The following TRIB3 variants were observed in gnomAD, a reference collection of about 807,000 sequenced individuals.
The protein encoded by TRIB3 is tribbles pseudokinase 3, also known as tribbles homolog 3.
A neutral mutation model predicts 16.6 loss-of-function variants in TRIB3; 20 were observed. The observed-to-expected ratio is 1.20, with a 90% CI of 0.85 to 1.75. The LOEUF is 1.75. Among genes scored for constraint, TRIB3 ranks in the 40% most tolerant of loss-of-function variants. TRIB3 has a pLI of 0.00. For missense variants in TRIB3, 484 were observed against 488.9 expected, an observed-to-expected ratio of 0.99 and a Z score of 0.10; for synonymous variants, 208 against 217.0, an observed-to-expected ratio of 0.96 and a Z score of 0.36.
intron 1 of TRIB3, chr20:382,579 A>G: frequency 6.5e-7 from 1 of 1,535,614 alleles, no homozygotes; most frequent in South Asian, 1.2e-5. Context: ...GAAGAATAAC[A>G]GGATGAGTGC....
Position 392,809 on chromosome 20 carries a change from C to T in TRIB3, c.584+1230C>T, listed in dbSNP as rs200812610. Among the ~76,000 whole-genome samples, 10 of 152,226 alleles carry T rather than the reference C, an allele frequency of 6.6e-5. No individual in the cohort carries two copies. In the East Asian group the frequency reaches 7.7e-4, roughly 12 times the overall value. On this transcript the variant is annotated intron_variant, in intron 3 of 3. Coordinates refer to ENST00000217233, the MANE Select transcript of TRIB3 (RefSeq NM_021158.5). ...TTGACCTTAGGTGATCCGCCTGCCT[C>T]GGCCTCCCAAAGTGCTGGGATTACA... is the stretch of plus-strand genomic sequence containing the variant.
At chr20:395,547 A>C (rs2015101708) in intron 3 of TRIB3, among the ~76,000 whole-genome samples, 1 of 151,890 alleles carries the variant, frequency 6.6e-6, no homozygotes, top group African/African-American at 2.4e-5. Context: ...GGACCTTTTC[A>C]TTAAAATACA....
At chr20:386,675 T>C (rs529563711) in intron 1 of TRIB3, among the ~76,000 whole-genome samples, 1 of 151,848 alleles carries the variant, frequency 6.6e-6, no homozygotes, top group Admixed American at 6.6e-5. Context: ...CGGGTTCAAG[T>C]GATTCTCCTG....
At chr20:396,075 G>T in intron 3 of TRIB3, 123 bp from the exon 4 acceptor site, 1 of 1,415,502 alleles carries the variant, frequency 7.1e-7, no homozygotes. Context: ...TCACAGGACT[G>T]GCTTGTGTCT....
intron 1 of TRIB3, among the ~76,000 whole-genome samples, chr20:384,713 G>A (rs1471073614): frequency 2.6e-5 from 4 of 152,166 alleles, no homozygotes; most frequent in African/African-American, 9.7e-5. Flanking sequence ...GGTCTGGCCT[G>A]ACAACTCCAT....
chr20:386,980 C>G (rs560088942), intron 1 of TRIB3, among the ~76,000 whole-genome samples: 4 of 150,710 alleles, frequency 2.7e-5, no homozygotes, highest in Non-Finnish European at 1.5e-5. Flanking sequence ...CTTGAACTCC[C>G]AGCCTCATGA....
intron 2 of TRIB3, among the ~76,000 whole-genome samples, chr20:388,675 G>A (rs934223903): frequency 1.4e-4 from 22 of 152,122 alleles, no homozygotes; most frequent in Admixed American, 9.2e-4. Context: ...AGAATGAAAA[G>A]GACTTCTCTG....
At position 390,172 on chromosome 20, in the gene TRIB3, C is replaced by T. The variant is rs2014933573; in HGVS notation, c.292-1115C>T. ...TGAAACCTTGTTTCTATTAAAAATA[C>T]AAAAAATTAGCCGGGCATGGTGGCA... On this transcript the variant is annotated intron_variant, in intron 2 of 3. Coordinates refer to ENST00000217233, the MANE Select transcript of TRIB3 (RefSeq NM_021158.5). 2.6e-5 allele frequency among the ~76,000 whole-genome samples: 4 copies of T among 151,914 alleles called. No individual in the cohort carries two copies. The South Asian group carries it at 6.2e-4, about 24-fold the overall frequency.
Position 387,993 on chromosome 20 carries a change from T to C in TRIB3, c.1-18T>C, listed in dbSNP as rs1285441663. 1 of 1,605,426 alleles carries C rather than the reference T, an allele frequency of 6.2e-7. No homozygotes were observed. Among genetic ancestry groups the C allele is most frequent in the South Asian group, 1.1e-5 (1 of 90,712 alleles). ...ACCAAGCAGTCTCACTTTAGTGCTT[T>C]TCTCTCCTTTTTACCAGATGCGAGC... On this transcript the variant is annotated intron_variant, in intron 1 of 3. Coordinates refer to ENST00000217233, the MANE Select transcript of TRIB3 (RefSeq NM_021158.5).
chr20:395,838 C>T (rs1181879491), intron 3 of TRIB3, among the ~76,000 whole-genome samples: 2 of 152,108 alleles, frequency 1.3e-5, no homozygotes, highest in African/African-American at 4.8e-5. Context: ...GCTGAGATGT[C>T]AGGCACACTT....
chr20:387,002 T>C (rs550781106), intron 1 of TRIB3, among the ~76,000 whole-genome samples: 5 of 149,244 alleles, frequency 3.4e-5, no homozygotes, highest in East Asian at 2.0e-4. Flanking sequence ...TCGCCCACCT[T>C]GGCCTCCCAA....
chr20:390,720 G>C lies in TRIB3; in HGVS notation c.292-567G>C, dbSNP rs141212401. Among the ~76,000 whole-genome samples the C allele has an allele frequency of 3.1e-3, 469 of 152,268 alleles. 4 individuals carry two copies. The highest frequency in any genetic ancestry group is 0.011 in the African/African-American group (454 of 41,558). ...GTAGCAGTTAAGAGCACAGACAAAA[G>C]GCCGGGTGCAGTGGCTCACACCTGT... On this transcript the variant is annotated intron_variant, in intron 2 of 3. Coordinates refer to ENST00000217233, the MANE Select transcript of TRIB3 (RefSeq NM_021158.5).
rs763995626 is a variant in TRIB3 at position 388,015 on chromosome 20, G to A, written c.5G>A (p.Arg2Gln). ...CTTTTCTCTCCTTTTTACCAGATGC[G>A]AGCCACCCCTCTGGCTGCTCCTGCG... is the stretch of plus-strand genomic sequence containing the variant. M[R>Q]ATPLAAPAGS... Residue 2 changes from arginine (R) to glutamine (Q), a missense_variant, in exon 2 of 4, where the codon CGA becomes CAA. By Grantham distance (43) the Arg-to-Gln change is conservative. Transcript: ENST00000217233. The A allele has an allele frequency of 4.3e-6, 7 of 1,610,740 alleles. No individual in the cohort carries two copies. The highest frequency in any genetic ancestry group is 3.3e-5 in the Admixed American group (2 of 59,926).
chr20:391,333 G>A lies in TRIB3; in HGVS notation c.338G>A (p.Arg113Gln), dbSNP rs761152597. 2.2e-5 allele frequency: 36 copies of A among 1,613,174 alleles called. 1 individual carries two copies. Among genetic ancestry groups the A allele is most frequent in the South Asian group, 1.9e-4 (17 of 91,086 alleles). ...CTGGCCGTGCTGGAGCCCTATGCGC[G>A]GCTGCCCCCGCACAAGCATGTGGCT... The part of the protein sequence containing the change: ...EALAVLEPYA[R>Q]LPPHKHVARP... The change falls in exon 3 of 4, where the codon CGG becomes CAG. Residue 113 changes from arginine to glutamine, a missense_variant. By Grantham distance (43) the Arg-to-Gln change is conservative. Transcript: ENST00000217233.
intron 1 of TRIB3, among the ~76,000 whole-genome samples, chr20:384,915 C>T (rs1439422181): frequency 6.6e-6 from 1 of 152,106 alleles, no homozygotes; most frequent in Non-Finnish European, 1.5e-5. Flanking sequence ...GTCCTACTAG[C>T]CATATGCTGA....
intron 2 of TRIB3, 35 bp downstream of exon 2, chr20:388,336 C>T (rs2014882842): frequency 1.3e-6 from 2 of 1,567,936 alleles, no homozygotes; most frequent in Non-Finnish European, 1.7e-6. Flanking sequence ...CCCAGCACCA[C>T]AGGAGGCCTG....
chr20:381,359 G>T (rs1482110902), intron 1 of TRIB3, 190 bp downstream of exon 1: 1 of 152,334 alleles, frequency 6.6e-6, no homozygotes, highest in Admixed American at 6.5e-5. Flanking sequence ...CTTTTGATCC[G>T]GGCCTGGGCT....
intron 1 of TRIB3, among the ~76,000 whole-genome samples, chr20:381,916 C>T (rs947587457): frequency 6.6e-6 from 1 of 152,210 alleles, no homozygotes; most frequent in African/African-American, 2.4e-5. Context: ...ACAGCCACCT[C>T]CTTCCCTCTG....
chr20:396,273 C>T lies in TRIB3; in HGVS notation c.660C>T (p.His220=), dbSNP rs374329385. ...CAGATGATTCCCTGTGGGACAAGCA[C>T]GCGTGCCCAGCCTACGTGGGACCTG... ...TGPDDSLWDK[H]ACPAYVGPEI... The change falls in exon 4 of 4, where the codon CAC becomes CAT. Residue 220 remains histidine (H), a synonymous_variant. Coordinates refer to ENST00000217233, the MANE Select transcript of TRIB3 (RefSeq NM_021158.5). 2.9e-5 allele frequency: 46 copies of T among 1,613,818 alleles called. No homozygotes were observed. The highest frequency in any genetic ancestry group is 1.6e-4 in the Middle Eastern group (1 of 6,068).
Sources: gnomAD v4.1 joint callset for allele counts (sites outside exome capture counted in the v4.1 genomes callset) on GRCh38, gnomAD v4.1.1 for gene constraint, MANE v1.5 for transcripts, NCBI Gene and HGNC (gene_info 2026-07-23, HGNC 2026-07-21) for gene names.